NCOR2: variants seen among roughly 807,000 people sequenced by gnomAD.
The protein encoded by NCOR2 is nuclear receptor corepressor 2.
Under a neutral mutation model 262.9 loss-of-function variants are expected in NCOR2, and 81 were observed. That is an observed-to-expected ratio of 0.31 (90% confidence interval 0.26 to 0.37). The LOEUF (loss-of-function observed/expected upper bound fraction) is 0.37, where lower values mean the gene tolerates loss of function less well. Ranked by LOEUF, NCOR2 falls within the 10% of genes least tolerant of loss-of-function variation. The pLI is 1.00. For synonymous variants in NCOR2, 1,659 were observed against 1,559.3 expected (o/e 1.06, Z -1.51); for missense variants, 3,385 against 3,621.4 (o/e 0.93, Z 1.68).
intron 19 of NCOR2, among the ~76,000 whole-genome samples, chr12:124,373,205 T>C: frequency 6.6e-6 from 1 of 152,076 alleles, no homozygotes; most frequent in Non-Finnish European, 1.5e-5. Context: ...TCAGTGTGAG[T>C]ACAGGGGACC....
At chr12:124,446,270 A>G (rs552199240) in intron 7 of NCOR2, among the ~76,000 whole-genome samples, 2 of 152,262 alleles carry the variant, frequency 1.3e-5, no homozygotes, top group African/African-American at 4.8e-5. Flanking sequence ...GGGCCTTCCC[A>G]TGGTATTCTC....
chr12:124,358,169 A>C (rs2038154957), intron 22 of NCOR2, among the ~76,000 whole-genome samples: 1 of 135,252 alleles, frequency 7.4e-6, no homozygotes, highest in South Asian at 2.5e-4. Flanking sequence ...GCCTGTACAC[A>C]ATGTTGAAGG....
intron 7 of NCOR2, 138 bp downstream of exon 9, chr12:124,449,677 C>T: frequency 9.7e-7 from 1 of 1,030,650 alleles, no homozygotes; most frequent in Non-Finnish European, 1.4e-6. Context: ...TCTCCTGTCC[C>T]CTCCGGGAGC....
chr12:124,335,976 G>T (rs186417618), intron 38 of NCOR2: 23 of 286,482 alleles, frequency 8.0e-5, no homozygotes, highest in African/African-American at 4.9e-4. Flanking sequence ...GGGAAGGAGT[G>T]TGTGGGGCGG....
chr12:124,483,517 C>A lies in NCOR2; in HGVS notation c.411+79G>T. The A allele has an allele frequency of 2.7e-5, 37 of 1,357,652 alleles. No individual in the cohort carries two copies. The highest frequency in any genetic ancestry group is 3.2e-5 in the Non-Finnish European group (33 of 1,024,690). The allele number at this position is 1,357,652 out of a possible 1,614,324, so 84.1% of individuals were successfully genotyped here. ...GAGCTGCCCCCTCCCTGCACCCCTA[C>A]CCACCACCTCCCACCCAGCCCAACC... On this transcript the variant is annotated intron_variant, in intron 3 of 46. Coordinates refer to ENST00000405201, the Ensembl canonical transcript of NCOR2. The surrounding 1 kb of genome is among the most constrained non-coding windows in gnomAD (Gnocchi z 6.3).
chr12:124,328,458 C>T (rs904243623), intron 44 of NCOR2: 7 of 152,534 alleles, frequency 4.6e-5, no homozygotes, highest in African/African-American at 1.7e-4. Flanking sequence ...CAAACCGGTC[C>T]CAAGAGGATG....
At chr12:124,325,605 G>A in intron 46 of NCOR2, 22 bp from the exon 49 acceptor site, 1 of 1,264,168 alleles carries the variant, frequency 7.9e-7, no homozygotes, top group Non-Finnish European at 1.0e-6. Flanking sequence ...AGCGAAAGAT[G>A]CCCAGGAGGC....
intron 3 of NCOR2, among the ~76,000 whole-genome samples, chr12:124,479,565 ACACG>A (rs1163936825): frequency 6.6e-6 from 1 of 152,080 alleles, no homozygotes; most frequent in African/African-American, 2.4e-5. Context: ...ACGCGCACAC[ACACG>A]CACGCGCGCG....
intron 11 of NCOR2, among the ~76,000 whole-genome samples, chr12:124,424,084 C>A (rs948744738): frequency 2.0e-5 from 3 of 152,196 alleles, no homozygotes; most frequent in Non-Finnish European, 4.4e-5. Flanking sequence ...CAGATAGCAG[C>A]CCAGCCTGGG....
rs1456767002 is a variant in NCOR2 at position 124,443,742 on chromosome 12, C to G, written c.816-5746G>C. Among the ~76,000 whole-genome samples, 2 of 152,128 alleles carry G rather than the reference C, an allele frequency of 1.3e-5. No homozygotes were observed. The highest frequency in any genetic ancestry group is 4.8e-5 in the African/African-American group (2 of 41,426). The stretch of plus-strand genomic sequence containing the variant: ...GATCTCAAACTCCTGACCTCATGAT[C>G]TGCCTGCCTCAGCCTCCCAAAGTGC... On this transcript the variant is annotated intron_variant, in intron 7 of 46. Coordinates refer to ENST00000405201, the Ensembl canonical transcript of NCOR2. The surrounding 1 kb of genome is among the most constrained non-coding windows in gnomAD (Gnocchi z 4.4).
At chr12:124,353,981 G>A in intron 27 of NCOR2, 112 bp downstream of exon 29, 1 of 960,742 alleles carries the variant, frequency 1.0e-6, no homozygotes, top group Non-Finnish European at 1.6e-6. Context: ...CTGTCCCCCA[G>A]TCATCACCCC....
In NCOR2 at chr12:124,541,623, G is replaced by T. The variant is rs1345967035; in HGVS notation, c.-164-6012C>A. 1.1e-3 allele frequency among the ~76,000 whole-genome samples: 14 copies of T among 12,314 alleles called. 2 individuals carry two copies. The highest frequency in any genetic ancestry group is 7.8e-3 in the African/African-American group (14 of 1,784). The allele number at this position is 12,314 out of a possible 152,430, so 8.1% of individuals were successfully genotyped here. Reference sequence around the variant, plus strand: ...GGAGCAGGTGGGGAGTGGAGATGGTGGGGGGGTGGGGATGGAGCTGGAGGG... The same window carrying T: ...GGAGCAGGTGGGGAGTGGAGATGGTTGGGGGGTGGGGATGGAGCTGGAGGG... On this transcript the variant is annotated intron_variant, in intron 1 of 32. Transcript: ENST00000458234.
rs116007628 is a variant in NCOR2 at position 124,484,265 on chromosome 12, C to T, written c.234-492G>A. ...CCCACGCAGGGCAGACATCGCTGGC[C>T]GATCGCAGAACTCTTGCTGCTGAAC... On this transcript the variant is annotated intron_variant, in intron 2 of 46. Coordinates refer to ENST00000405201, the Ensembl canonical transcript of NCOR2. Among the ~76,000 whole-genome samples the T allele has an allele frequency of 8.2e-3, 1,242 of 152,318 alleles. 15 individuals carry two copies. The highest frequency in any genetic ancestry group is 0.028 in the African/African-American group (1,155 of 41,554).
chr12:124,563,939 C>T (rs1316004949), intron 1 of NCOR2, among the ~76,000 whole-genome samples: 5 of 152,252 alleles, frequency 3.3e-5, no homozygotes, highest in East Asian at 1.9e-4. Flanking sequence ...GGTCTTAATT[C>T]GTAGTTCCAC....
At chr12:124,385,330 G>C (rs2040719532) in intron 17 of NCOR2, among the ~76,000 whole-genome samples, 2 of 152,276 alleles carry the variant, frequency 1.3e-5, no homozygotes, top group African/African-American at 4.8e-5. Flanking sequence ...AGGTCAAATG[G>C]GGCAGGGGAG....
In NCOR2 at chr12:124,500,403, A is replaced by C. The variant is rs375287311; in HGVS notation, c.-117-5035T>G. Among the ~76,000 whole-genome samples, 33 of 152,332 alleles carry C rather than the reference A, an allele frequency of 2.2e-4. No homozygotes were observed. In the East Asian group the frequency reaches 3.1e-3, roughly 14 times the overall value. On this transcript the variant is annotated intron_variant, in intron 1 of 46. Transcript: ENST00000404621. ...CCACTGCACTCTGCCAGGCAGCAGC[A>C]GAAGCCAAGTGGGCCACATTCCCTG...
At chr12:124,399,620 C>T (rs1415457265) in intron 15 of NCOR2, among the ~76,000 whole-genome samples, 2 of 152,166 alleles carry the variant, frequency 1.3e-5, no homozygotes, top group Admixed American at 6.5e-5. Flanking sequence ...CTACATCCCA[C>T]GAGAAGAAGA....
At position 124,503,637 on chromosome 12, in the gene NCOR2, C is replaced by CGAATGGATGGATGGAT. The variant is rs1451948657; in HGVS notation, c.-117-8285_-117-8270dup. Among the ~76,000 whole-genome samples, 3 of 104,736 alleles carry CGAATGGATGGATGGAT rather than the reference C, an allele frequency of 2.9e-5. No individual in the cohort carries two copies. Among genetic ancestry groups the CGAATGGATGGATGGAT allele is most frequent in the South Asian group, 5.9e-4 (2 of 3,362 alleles). The allele number at this position is 104,736 out of a possible 152,430, so 68.7% of individuals were successfully genotyped here. ...ACGGATGGATGGATGGATGGATGGG[C>CGAATGGATGGATGGAT]GAATGGATGGATGGATGGATGGATG... On this transcript the variant is annotated intron_variant, in intron 1 of 46. Coordinates refer to the NCOR2 transcript ENST00000404621. This position sits in a 1 kb window ranked among gnomAD's most constrained non-coding sequence, Gnocchi z 4.3.
chr12:124,375,779 CTAT>C (rs535544488), intron 18 of NCOR2, among the ~76,000 whole-genome samples: 5 of 152,332 alleles, frequency 3.3e-5, no homozygotes, highest in African/African-American at 1.2e-4. Context: ...TATGAGGATA[CTAT>C]TATTATTACT....
Sources: allele counts gnomAD v4.1 joint callset (sites outside exome capture counted in the v4.1 genomes callset), GRCh38; gene constraint gnomAD v4.1.1; non-coding constraint Gnocchi (gnomAD v3.1); transcripts MANE v1.5; gene names NCBI Gene and HGNC (gene_info 2026-07-23, HGNC 2026-07-21).